Variants in ALG5 observed in about 807,000 individuals in gnomAD.
ALG5 encodes the protein ALG5 dolichyl-phosphate beta-glucosyltransferase.
Under a neutral mutation model 51.8 loss-of-function variants are expected in ALG5, and 26 were observed. That is an observed-to-expected ratio of 0.50 (90% confidence interval 0.37 to 0.70). ALG5 has a LOEUF of 0.70. ALG5 is among the 30% of genes least tolerant of loss of function. The pLI, the probability that ALG5 is intolerant of heterozygous loss-of-function variation, is 0.00. For missense variants in ALG5, 311 were observed against 399.3 expected (o/e 0.78, Z 1.88); for synonymous variants, 141 against 136.1 (o/e 1.04, Z -0.25).
chr13:36,959,245 C>T (rs2058854518), intron 8 of ALG5, among the ~76,000 whole-genome samples: 1 of 151,926 alleles, frequency 6.6e-6, no homozygotes, highest in Non-Finnish European at 1.5e-5. Flanking sequence ...GGGTACAAAG[C>T]CTCAGACAGG....
At chr13:36,971,903 T>G in intron 7 of ALG5, 74 bp downstream of exon 7, 1 of 1,176,360 alleles carries the variant, frequency 8.5e-7, no homozygotes, top group East Asian at 2.5e-5. Flanking sequence ...GCCAGTTTCT[T>G]GCCAGATATA....
chr13:36,991,339 G>A (rs146239134), intron 4 of ALG5, among the ~76,000 whole-genome samples: 1 of 152,286 alleles, frequency 6.6e-6, no homozygotes, highest in Non-Finnish European at 1.5e-5. Flanking sequence ...TACTACTGAA[G>A]CATTTTCTCA....
Position 36,999,257 on chromosome 13 carries a change from A to AGCGCC in ALG5, c.39_43dup (p.Leu15ArgfsTer10). On this transcript the variant is annotated frameshift_variant, in exon 1 of 10. Coordinates refer to ENST00000239891, the MANE Select transcript of ALG5 (RefSeq NM_013338.5). LOFTEE classifies it high-confidence loss of function. ...CACCAGTACGAGGGCTGCGGCCGCC[A>AGCGCC]GCGCCGCGCCGAGCACCGCCAGCTG... is the stretch of plus-strand genomic sequence containing the variant. 6.3e-7 allele frequency: 1 copy of AGCGCC among 1,580,844 alleles called. No individual in the cohort carries two copies. Among genetic ancestry groups the AGCGCC allele is most frequent in the Non-Finnish European group, 8.6e-7 (1 of 1,166,426 alleles).
rs959751695 is a variant in ALG5 at position 36,981,492 on chromosome 13, T to A, written c.561+4135A>T. Among the ~76,000 whole-genome samples the A allele has an allele frequency of 7.2e-5, 11 of 152,306 alleles. No homozygotes were observed. The South Asian group carries it at 2.3e-3, about 32-fold the overall frequency. ...ATGCTTATCAAATTTGTGGCTTAAATGAATTGAGAAAACAGCTATTGCCCT... is the reference window on the plus strand; with the variant it reads ...ATGCTTATCAAATTTGTGGCTTAAAAGAATTGAGAAAACAGCTATTGCCCT... On this transcript the variant is annotated intron_variant, in intron 6 of 9. Transcript: ENST00000239891.
intron 7 of ALG5, among the ~76,000 whole-genome samples, chr13:36,970,807 A>C (rs371573791): frequency 2.0e-5 from 3 of 151,482 alleles, no homozygotes; most frequent in Admixed American, 6.6e-5. Flanking sequence ...GCTTCTTGGG[A>C]GACTGAGGCA....
chr13:36,969,420 TA>T (rs892195129), intron 7 of ALG5, among the ~76,000 whole-genome samples: 349 of 79,808 alleles, frequency 4.4e-3, no homozygotes, highest in African/African-American at 0.015. Flanking sequence ...TAATATATTT[TA>T]AAAAAAAAAA....
chr13:36,984,369 G>A (rs910992544), intron 6 of ALG5, among the ~76,000 whole-genome samples: 1 of 151,924 alleles, frequency 6.6e-6, no homozygotes, highest in Non-Finnish European at 1.5e-5. Flanking sequence ...CCACAGTGCT[G>A]GAATTACAGG....
At chr13:36,990,512 T>C (rs574500208) in intron 4 of ALG5, among the ~76,000 whole-genome samples, 1 of 152,356 alleles carries the variant, frequency 6.6e-6, no homozygotes, top group African/African-American at 2.4e-5. Context: ...ATACAGCTAA[T>C]GGGAAACCCC....
rs1160716493 is a variant in ALG5, at chr13:36,995,041, A to G, written c.239-6T>C. ...TTCATCCATCATCACAGGCACTTGA[A>G]GAAAAAAATATATTAAAAATCACTT... On this transcript the variant is annotated splice_polypyrimidine_tract_variant and splice_region_variant and intron_variant, in intron 2 of 9. Transcript: ENST00000239891. 1 of 1,611,714 alleles carries G rather than the reference A, an allele frequency of 6.2e-7. No individual in the cohort carries two copies. Among genetic ancestry groups the G allele is most frequent in the Non-Finnish European group, 8.5e-7 (1 of 1,178,208 alleles).
chr13:36,981,146 A>G (rs2058977544), intron 6 of ALG5, among the ~76,000 whole-genome samples: 1 of 152,188 alleles, frequency 6.6e-6, no homozygotes, highest in African/African-American at 2.4e-5. Context: ...ATGACTTTGT[A>G]TAAGAATCAT....
At chr13:36,986,031 A>G (rs532590700) in intron 5 of ALG5, among the ~76,000 whole-genome samples, 22 of 152,216 alleles carry the variant, frequency 1.4e-4, no homozygotes, top group Non-Finnish European at 3.1e-4. Context: ...TCTGCATCAC[A>G]AAGAATAAAA....
At chr13:36,999,209 G>A in intron 1 of ALG5, 26 bp downstream of exon 1, 1 of 1,553,486 alleles carries the variant, frequency 6.4e-7, no homozygotes. Context: ...GCCCCGGCCT[G>A]CGCGGGTTCC....
chr13:36,984,093 T>C (rs1473783270), intron 6 of ALG5, among the ~76,000 whole-genome samples: 1 of 151,836 alleles, frequency 6.6e-6, no homozygotes, highest in East Asian at 1.9e-4. Context: ...GTTTCCTTAG[T>C]TCTGTAATTT....
At chr13:36,992,267 A>G (rs899631788) in intron 4 of ALG5, among the ~76,000 whole-genome samples, 1 of 152,168 alleles carries the variant, frequency 6.6e-6, no homozygotes, top group African/African-American at 2.4e-5. Flanking sequence ...TGGTCTTTAC[A>G]TCTTTGTATT....
At chr13:36,982,702 T>A (rs916888652) in intron 6 of ALG5, among the ~76,000 whole-genome samples, 4 of 152,232 alleles carry the variant, frequency 2.6e-5, no homozygotes, top group Non-Finnish European at 5.9e-5. Context: ...TGGCTGTTTA[T>A]AAGCTTTGTC....
chr13:36,999,351 G>A, upstream of ALG5: 2 of 1,466,774 alleles, frequency 1.4e-6, no homozygotes, highest in Non-Finnish European at 1.8e-6. Flanking sequence ...ACAGGCGGAA[G>A]CGCGCCCGCG....
At chr13:36,957,113 C>A (rs931034583) in intron 8 of ALG5, among the ~76,000 whole-genome samples, 2 of 151,898 alleles carry the variant, frequency 1.3e-5, no homozygotes, top group African/African-American at 4.8e-5. Context: ...TAGCACCCAT[C>A]AGATGGCCAA....
chr13:36,990,761 A>G (rs1045862166), intron 4 of ALG5, among the ~76,000 whole-genome samples: 3 of 151,986 alleles, frequency 2.0e-5, no homozygotes, highest in African/African-American at 7.3e-5. Context: ...AGTTGCTCAA[A>G]TTGAAAACCT....
At chr13:36,972,406 C>T (rs140385203) in intron 6 of ALG5, among the ~76,000 whole-genome samples, 10 of 152,058 alleles carry the variant, frequency 6.6e-5, no homozygotes, top group African/African-American at 2.2e-4. Flanking sequence ...AGAATAGCAA[C>T]TGAAAAACTA....
Sources: gnomAD v4.1 joint callset for allele counts (sites outside exome capture counted in the v4.1 genomes callset) on GRCh38, gnomAD v4.1.1 for gene constraint, MANE v1.5 for transcripts, NCBI Gene and HGNC (gene_info 2026-07-23, HGNC 2026-07-21) for gene names.